BCL2L13: variants seen among roughly 807,000 people sequenced by gnomAD.
The protein encoded by BCL2L13 is BCL2 like 13.
In BCL2L13, 13 loss-of-function variants were observed where a neutral mutation model predicts 25.8. The observed-to-expected ratio is 0.50, with a 90% CI of 0.33 to 0.80. The LOEUF is 0.80. Ranked by LOEUF, BCL2L13 falls within the 30% of genes least tolerant of loss-of-function variation. BCL2L13 has a pLI of 0.02. For missense variants in BCL2L13, 504 were observed against 574.9 expected, an observed-to-expected ratio of 0.88 and a Z score of 1.26; for synonymous variants, 244 against 230.3, an observed-to-expected ratio of 1.06 and a Z score of -0.54.
intron 2 of BCL2L13, among the ~76,000 whole-genome samples, chr22:17,664,416 C>A (rs1368390024): frequency 6.3e-5 from 1 of 15,780 alleles, no homozygotes; most frequent in Non-Finnish European, 1.7e-4. Flanking sequence ...TATATAGCCA[C>A]CCCCCCCCGG....
intron 1 of BCL2L13, among the ~76,000 whole-genome samples, chr22:17,630,227 A>G (rs1763412547): frequency 6.7e-6 from 1 of 149,336 alleles, no homozygotes; most frequent in Admixed American, 6.7e-5. Flanking sequence ...CAAAAAAACA[A>G]AAAAAAAAAA....
chr22:17,643,579 G>A (rs1385892920), intron 1 of BCL2L13, among the ~76,000 whole-genome samples: 1 of 152,126 alleles, frequency 6.6e-6, no homozygotes, highest in East Asian at 1.9e-4. Flanking sequence ...AGAGCTGATA[G>A]CCAAGAAACT....
chr22:17,675,590 C>T (rs2059554588), intron 2 of BCL2L13, among the ~76,000 whole-genome samples: 1 of 152,128 alleles, frequency 6.6e-6, no homozygotes, highest in Admixed American at 6.6e-5. Context: ...CTTAAAAGCA[C>T]GTTCATTCAC....
intron 4 of BCL2L13, among the ~76,000 whole-genome samples, chr22:17,695,300 C>T (rs1409720037): frequency 6.6e-6 from 1 of 152,120 alleles, no homozygotes; most frequent in East Asian, 1.9e-4. Flanking sequence ...ATATTCATGC[C>T]AATAGTTAAA....
intron 5 of BCL2L13, among the ~76,000 whole-genome samples, chr22:17,696,992 C>CACCT (rs1374908341): frequency 6.6e-6 from 1 of 152,110 alleles, no homozygotes; most frequent in Non-Finnish European, 1.5e-5. Context: ...CTTTTATAGA[C>CACCT]ACCTACCTCT....
intron 6 of BCL2L13, among the ~76,000 whole-genome samples, chr22:17,721,472 C>A (rs2061127746): frequency 6.8e-6 from 1 of 146,750 alleles, no homozygotes; most frequent in African/African-American, 2.5e-5. Context: ...AAAATACATT[C>A]TTTTAAATAA....
At chr22:17,667,187 TTTAG>T (rs748281984) in intron 2 of BCL2L13, among the ~76,000 whole-genome samples, 11 of 152,240 alleles carry the variant, frequency 7.2e-5, no homozygotes, top group Admixed American at 7.2e-4. Context: ...TAGCTCAATT[TTTAG>T]TTAGTTTCCC....
intron 2 of BCL2L13, among the ~76,000 whole-genome samples, chr22:17,665,386 A>G (rs1339898026): frequency 6.6e-6 from 1 of 151,454 alleles, no homozygotes; most frequent in Non-Finnish European, 1.5e-5. Context: ...GAAGTTCCAG[A>G]CTCTCCCACA....
At chr22:17,648,080 A>G (rs2058556385) in intron 1 of BCL2L13, among the ~76,000 whole-genome samples, 1 of 151,860 alleles carries the variant, frequency 6.6e-6, no homozygotes, top group African/African-American at 2.4e-5. Flanking sequence ...CAGTGAGCCG[A>G]GGTCATGCCA....
rs1040615334 is a variant in BCL2L13, at chr22:17,659,942, A to G, written c.121+4110A>G. 1.4e-5 allele frequency among the ~76,000 whole-genome samples: 2 copies of G among 145,942 alleles called. 1 individual carries two copies. Among genetic ancestry groups the G allele is most frequent in the Non-Finnish European group, 3.1e-5 (2 of 64,200 alleles). On this transcript the variant is annotated intron_variant, in intron 2 of 6. Coordinates refer to ENST00000317582, the MANE Select transcript of BCL2L13 (RefSeq NM_015367.4). ...CCCATTTTGGCTCACTGCATCCTCC[A>G]CCTCCTGGGTTCAAGCATTTCTTGA...
intron 1 of BCL2L13, among the ~76,000 whole-genome samples, chr22:17,642,424 G>T (rs1045282237): frequency 2.0e-5 from 3 of 152,142 alleles, no homozygotes; most frequent in Admixed American, 2.0e-4. Context: ...CTCCCAAAGT[G>T]CTGGGATTAC....
At chr22:17,680,365 CG>C (rs2059704111) in intron 2 of BCL2L13, among the ~76,000 whole-genome samples, 1 of 150,688 alleles carries the variant, frequency 6.6e-6, no homozygotes, top group Admixed American at 6.6e-5. Flanking sequence ...AAAAAATTAG[CG>C]GGGAATGGTG....
chr22:17,689,169 G>C (rs748705710), intron 4 of BCL2L13, 27 bp downstream of exon 4: 1 of 1,609,122 alleles, frequency 6.2e-7, no homozygotes, highest in Non-Finnish European at 8.5e-7. Flanking sequence ...AGTGGGATGT[G>C]CTTCTTTAAG....
chr22:17,681,350 C>G (rs2059748952), intron 2 of BCL2L13, among the ~76,000 whole-genome samples: 1 of 151,702 alleles, frequency 6.6e-6, no homozygotes, highest in African/African-American at 2.4e-5. Context: ...ACTAAAAATA[C>G]AAAAAATTAG....
chr22:17,709,032 G>A (rs928512590), intron 6 of BCL2L13, among the ~76,000 whole-genome samples: 7 of 150,998 alleles, frequency 4.6e-5, no homozygotes, highest in South Asian at 2.1e-4. Flanking sequence ...TCAGGAGATC[G>A]AGACCATCCT....
chr22:17,637,637 C>G (rs190445836), upstream of BCL2L13, among the ~76,000 whole-genome samples: 350 of 152,058 alleles, frequency 2.3e-3, no homozygotes, highest in Non-Finnish European at 2.8e-3. Context: ...CTTGGCTTCT[C>G]AAAGTGCTGG....
chr22:17,704,920 A>G (rs951916034), intron 6 of BCL2L13, among the ~76,000 whole-genome samples: 8 of 151,986 alleles, frequency 5.3e-5, no homozygotes, highest in African/African-American at 1.9e-4. Context: ...TTCCTGAAAC[A>G]TAGTTAAACT....
At position 17,638,823 on chromosome 22, in the gene BCL2L13, C is replaced by T. The variant is rs1485069629; in HGVS notation, c.-114C>T. ...CGGAGCACTCACCGCCGCTGGGGGA[C>T]CCTGTCGGAAGCAACTGCCGCCGCC... On this transcript the variant is annotated 5_prime_UTR_variant, in exon 1 of 7. Transcript: ENST00000317582. The T allele has an allele frequency of 2.4e-6, 3 of 1,231,944 alleles. No individual in the cohort carries two copies. Among genetic ancestry groups the T allele is most frequent in the East Asian group, 3.2e-5 (1 of 31,716 alleles). The allele number at this position is 1,231,944 out of a possible 1,614,324, so 76.3% of individuals were successfully genotyped here.
chr22:17,699,296 A>G (rs1227371432), intron 5 of BCL2L13, among the ~76,000 whole-genome samples: 1 of 152,208 alleles, frequency 6.6e-6, no homozygotes, highest in Non-Finnish European at 1.5e-5. Flanking sequence ...GTAGAGCAAA[A>G]TATGTCACTG....
Sources: gnomAD v4.1 joint callset for allele counts (sites outside exome capture counted in the v4.1 genomes callset) on GRCh38, gnomAD v4.1.1 for gene constraint, MANE v1.5 for transcripts, NCBI Gene and HGNC (gene_info 2026-07-23, HGNC 2026-07-21) for gene names.